EDA2R: variants seen among roughly 807,000 people sequenced by gnomAD.
The protein encoded by EDA2R is tumor necrosis factor receptor superfamily member 27.
EDA2R carries 26 observed loss-of-function variants against 20.1 expected under a neutral mutation model. The observed-to-expected ratio is 1.30, with a 90% confidence interval of 0.95 to 1.80. EDA2R has a LOEUF of 1.80. Ranked by LOEUF, EDA2R falls within the 40% of genes most tolerant of loss-of-function variation. The pLI, the probability that EDA2R is intolerant of heterozygous loss-of-function variation, is 0.00. For synonymous variants in EDA2R, 114 were observed against 88.7 expected (o/e 1.29, Z -1.60); for missense variants, 277 against 228.7 (o/e 1.21, Z -1.36).
chrX:66,600,508 T>C (rs1188081837), intron 5 of EDA2R, among the ~76,000 whole-genome samples: 1 of 111,730 alleles, frequency 9.0e-6, no homozygotes, highest in African/African-American at 3.3e-5. Flanking sequence ...TCTGCCACTT[T>C]TGTGCATGAT....
chrX:66,598,237 A>T (rs1927812105), intron 6 of EDA2R, 144 bp from the exon 7 acceptor site: 1 of 205,086 alleles, frequency 4.9e-6, no homozygotes, highest in African/African-American at 2.9e-5. Flanking sequence ...GGATATGACA[A>T]TTCTACCCTA....
intron 1 of EDA2R, among the ~76,000 whole-genome samples, chrX:66,626,839 AGAGGG>A (rs1362390430): frequency 1.6e-5 from 1 of 62,097 alleles, no homozygotes; most frequent in African/African-American, 6.6e-5. Context: ...GGAGGAGAGG[AGAGGG>A]GAGGGGAGGG....
intron 2 of EDA2R, 89 bp downstream of exon 2, chrX:66,615,845 G>A (rs1416283740): frequency 5.8e-6 from 4 of 694,906 alleles, no homozygotes; most frequent in Non-Finnish European, 8.9e-6. Flanking sequence ...TCATAAGTAG[G>A]GCTGACTCCC....
Position 66,602,044 on chromosome X carries a change from T to G in EDA2R, c.517+589A>C, listed in dbSNP as rs755635412. Among the ~76,000 whole-genome samples the G allele has an allele frequency of 1.8e-3, 201 of 112,006 alleles. 1 individual carries two copies. The highest frequency in any genetic ancestry group is 3.2e-3 in the Non-Finnish European group (172 of 53,228). ...GAAAGTCCAGGTTTGCCAACTACTC[T>G]GGACATAGGGCTTTCAGTTATCCCC... On this transcript the variant is annotated intron_variant, in intron 5 of 6. Coordinates refer to ENST00000374719, the MANE Select transcript of EDA2R (RefSeq NM_021783.5).
In EDA2R at chrX:66,599,345, T is replaced by A. The variant is rs1327285930; in HGVS notation, c.*10+129A>T. ...ACCACTGTTGCCCCTCCACCCAAAG[T>A]GTTCCTAGCTTGCTGCTGTTCCTCC... On this transcript the variant is annotated intron_variant, in intron 6 of 6. Transcript: ENST00000374719. 4.0e-6 allele frequency: 3 copies of A among 750,196 alleles called. No individual in the cohort carries two copies. The African/African-American group carries it at 6.4e-5, about 16-fold the overall frequency. The allele number at this position is 750,196 out of a possible 1,213,427, so 61.8% of individuals were successfully genotyped here.
chrX:66,604,099 G>T (rs905913569), intron 4 of EDA2R, among the ~76,000 whole-genome samples: 3 of 111,056 alleles, frequency 2.7e-5, no homozygotes, highest in African/African-American at 9.8e-5. Context: ...TATCTCATAG[G>T]TTTACAAATA....
chrX:66,623,175 A>G (rs1932805843), intron 1 of EDA2R, among the ~76,000 whole-genome samples: 1 of 112,291 alleles, frequency 8.9e-6, no homozygotes, highest in South Asian at 3.7e-4. Flanking sequence ...TGTGCAGTCA[A>G]TGTTGAAAAT....
chrX:66,630,904 TAC>T (rs1252651447), intron 1 of EDA2R, among the ~76,000 whole-genome samples: 10 of 109,489 alleles, frequency 9.1e-5, no homozygotes, highest in East Asian at 8.7e-4. Flanking sequence ...TATACATATA[TAC>T]ACACACATGT....
At chrX:66,610,272 A>AACACACACACACACAC (rs10657734) in intron 2 of EDA2R, among the ~76,000 whole-genome samples, 2 of 87,454 alleles carry the variant, frequency 2.3e-5, no homozygotes, top group African/African-American at 4.2e-5. Flanking sequence ...CAGATACACA[A>AACACACACACACACAC]ACACACACAC....
intron 1 of EDA2R, among the ~76,000 whole-genome samples, chrX:66,623,777 C>A (rs1177036545): frequency 8.9e-6 from 1 of 111,732 alleles, no homozygotes; most frequent in Non-Finnish European, 1.9e-5. Context: ...ACCTGCATGG[C>A]TACTTCCCTC....
In EDA2R at chrX:66,596,362, C is replaced by T. The variant is rs745629164; in HGVS notation, c.*1742G>A. 14 of 111,114 alleles carry T rather than the reference C, an allele frequency of 1.3e-4. No individual in the cohort carries two copies. Among genetic ancestry groups the T allele is most frequent in the African/African-American group, 3.9e-4 (12 of 30,544 alleles). 9.2% of individuals were successfully genotyped at this position (111,114 alleles called of 1,213,427 possible). A position where few individuals can be genotyped will look rare whatever the true frequency, so the allele number is the denominator to read the frequency against. Reference sequence around the variant, plus strand: ...GAAAATCCTTCACTTCACCTTTACCCGAAATACTTTAAAATGCAAAGCCAA... The same window carrying T: ...GAAAATCCTTCACTTCACCTTTACCTGAAATACTTTAAAATGCAAAGCCAA... On this transcript the variant is annotated 3_prime_UTR_variant, in exon 7 of 7. Transcript: ENST00000374719.
At chrX:66,629,717 C>G (rs1266692893) in intron 1 of EDA2R, among the ~76,000 whole-genome samples, 1 of 111,753 alleles carries the variant, frequency 8.9e-6, no homozygotes, top group Non-Finnish European at 1.9e-5. Flanking sequence ...GGAAACATCC[C>G]ATGCTCATGG....
Position 66,625,020 on chromosome X carries a change from C to T in EDA2R, c.-10-8990G>A, listed in dbSNP as rs151223216. ...GGGTAGAGGAAGCAGCGGGAAAAGCCCCGGGAGTTTGCTGGGTCCCCAAGC... is the reference window on the plus strand; with the variant it reads ...GGGTAGAGGAAGCAGCGGGAAAAGCTCCGGGAGTTTGCTGGGTCCCCAAGC... On this transcript the variant is annotated intron_variant, in intron 1 of 6. Coordinates refer to ENST00000374719, the MANE Select transcript of EDA2R (RefSeq NM_021783.5). Among the ~76,000 whole-genome samples, 176 of 111,605 alleles carry T rather than the reference C, an allele frequency of 1.6e-3. 1 individual carries two copies. Among genetic ancestry groups the T allele is most frequent in the African/African-American group, 5.4e-3 (165 of 30,737 alleles).
intron 2 of EDA2R, 74 bp downstream of exon 2, chrX:66,615,860 T>C: frequency 2.3e-6 from 2 of 859,213 alleles, no homozygotes; most frequent in Non-Finnish European, 3.4e-6. Flanking sequence ...ACTCCCCTAA[T>C]CTTGGCCTCT....
At chrX:66,624,240 C>T (rs916980290) in intron 1 of EDA2R, among the ~76,000 whole-genome samples, 1 of 112,032 alleles carries the variant, frequency 8.9e-6, no homozygotes, top group Non-Finnish European at 1.9e-5. Flanking sequence ...TAAATTTGGG[C>T]AGGTGCAGTG....
At position 66,596,652 on chromosome X, in the gene EDA2R, T is replaced by G. The variant is rs1329259183; in HGVS notation, c.*1452A>C. ...ACACCTGCAGCCTGCTGAAGCCAAA[T>G]CATCCCCTGTCTGGATATTATTTCT... On this transcript the variant is annotated 3_prime_UTR_variant, in exon 7 of 7. Coordinates refer to ENST00000374719, the MANE Select transcript of EDA2R (RefSeq NM_021783.5). The G allele has an allele frequency of 9.0e-6, 1 of 111,168 alleles. No individual in the cohort carries two copies. The highest frequency in any genetic ancestry group is 1.9e-5 in the Non-Finnish European group (1 of 53,110). The allele number at this position is 111,168 out of a possible 1,213,427, so 9.2% of individuals were successfully genotyped here.
At chrX:66,622,901 T>C (rs767423743) in intron 1 of EDA2R, among the ~76,000 whole-genome samples, 11 of 112,340 alleles carry the variant, frequency 9.8e-5, no homozygotes, top group Non-Finnish European at 1.7e-4. Context: ...GCATTTCCTG[T>C]TTTAGCTCAG....
At chrX:66,612,501 C>A (rs910651417) in intron 2 of EDA2R, among the ~76,000 whole-genome samples, 1 of 110,792 alleles carries the variant, frequency 9.0e-6, no homozygotes, top group African/African-American at 3.3e-5. Context: ...GTTAGTTTTT[C>A]ATGTAATACT....
At chrX:66,630,265 C>G (rs1445706481) in intron 1 of EDA2R, among the ~76,000 whole-genome samples, 2 of 111,539 alleles carry the variant, frequency 1.8e-5, no homozygotes, top group Non-Finnish European at 3.8e-5. Context: ...AAAAACCCTT[C>G]GAGACATTGG....
Sources: gnomAD v4.1 joint callset for allele counts (sites outside exome capture counted in the v4.1 genomes callset) on GRCh38, gnomAD v4.1.1 for gene constraint, MANE v1.5 for transcripts, NCBI Gene and HGNC (gene_info 2026-07-23, HGNC 2026-07-21) for gene names.